Variants in FCAMR observed in about 807,000 individuals in gnomAD.
FCAMR encodes high affinity immunoglobulin alpha and immunoglobulin mu Fc receptor.
Under a neutral mutation model 52.2 loss-of-function variants are expected in FCAMR, and 51 were observed. That is an observed-to-expected ratio of 0.98 (90% confidence interval 0.78 to 1.23). The LOEUF (loss-of-function observed/expected upper bound fraction) is 1.23. FCAMR is among the 50% of genes most tolerant of loss of function. The pLI is 0.00. For synonymous variants in FCAMR, 282 were observed against 262.0 expected, an observed-to-expected ratio of 1.08 and a Z score of -0.74; for missense variants, 719 against 712.6, an observed-to-expected ratio of 1.01 and a Z score of -0.10.
Position 206,961,229 on chromosome 1 carries a change from T to G in FCAMR, c.653-6A>C. The G allele has an allele frequency of 1.3e-6, 2 of 1,533,680 alleles. No homozygotes were observed. The highest frequency in any genetic ancestry group is 4.9e-5 in the East Asian group (2 of 40,790). ...GGGGAGGGTGCTGGCGGGACCTGTG[T>G]GGACAGCAGAGGGAGGCCACATGGG... On this transcript the variant is annotated splice_region_variant and splice_polypyrimidine_tract_variant and intron_variant, in intron 5 of 7. Transcript: ENST00000324852.
Position 206,960,472 on chromosome 1 carries a change from G to C in FCAMR, c.1404C>G (p.Thr468=), listed in dbSNP as rs754419727. The part of the protein sequence containing the change: ...DRGPQATLSQ[T]PAVGPWGPPG... ...GGGGTCCCCAGGGTCCTACTGCCGGGGTCTGGCTCAGTGTTGCTTGGGGAC... is the reference window on the plus strand; with the variant it reads ...GGGGTCCCCAGGGTCCTACTGCCGGCGTCTGGCTCAGTGTTGCTTGGGGAC... Residue 468 remains threonine (T), a synonymous_variant, in exon 6 of 8, where the codon ACC becomes ACG. Transcript: ENST00000324852. 5.2e-6 allele frequency: 8 copies of C among 1,541,776 alleles called. No individual in the cohort carries two copies. The Admixed American group carries it at 1.2e-4, about 23-fold the overall frequency.
intron 1 of FCAMR, 30 bp downstream of exon 1, chr1:206,970,057 C>T (rs1558029455): frequency 1.9e-6 from 3 of 1,613,840 alleles, no homozygotes; most frequent in Non-Finnish European, 2.5e-6. Context: ...GAGGCAAGAT[C>T]CCAACCTCCA....
rs150528125 is a variant in FCAMR at position 206,967,677 on chromosome 1, T to C, written c.40-26A>G. ...CTGTTTGCAGAAGGGGAATTGGTTT[T>C]TTCAAGGGAAGATTTCTGTTTCACT... On this transcript the variant is annotated intron_variant, in intron 1 of 7. Transcript: ENST00000324852. The C allele has an allele frequency of 2.2e-3, 3,558 of 1,611,362 alleles. 134 individuals are homozygous for C. In the Admixed American group the frequency reaches 0.057, roughly 26 times the overall value.
chr1:206,961,222 A>G lies in FCAMR; in HGVS notation c.654T>C (p.Gly218=). Residue 218 remains glycine, a splice_region_variant and synonymous_variant, in exon 6 of 8, where the codon GGT becomes GGC. Transcript: ENST00000324852. The part of the protein sequence containing the change: ...FLSMNLTISA[G]PASTLPTATP... ...TGGCTGTGGGGAGGGTGCTGGCGGGACCTGTGTGGACAGCAGAGGGAGGCC... is the reference window on the plus strand; with the variant it reads ...TGGCTGTGGGGAGGGTGCTGGCGGGGCCTGTGTGGACAGCAGAGGGAGGCC... The G allele has an allele frequency of 6.5e-7, 1 of 1,537,496 alleles. No individual in the cohort carries two copies. The highest frequency in any genetic ancestry group is 8.8e-7 in the Non-Finnish European group (1 of 1,140,546).
In FCAMR at chr1:206,958,568, G is replaced by A; in HGVS notation, c.1682C>T (p.Ser561Phe). 5.0e-6 allele frequency: 8 copies of A among 1,613,628 alleles called. No homozygotes were observed. Among genetic ancestry groups the A allele is most frequent in the Non-Finnish European group, 6.8e-6 (8 of 1,179,978 alleles). The change falls in exon 8 of 8, where the codon TCT becomes TTT. Residue 561 changes from serine (S) to phenylalanine (F), a missense_variant. Physicochemically the swap from Ser to Phe is radical, Grantham distance 155. Transcript: ENST00000324852. ...HVERKMLQDD[S>F]LPAGASLTAP... is the part of the protein sequence containing the mutation. ...AGTCAGGCTGGCCCCAGCAGGAAGA[G>A]AGTCATCCTGGAGCATCTTTCTTTC...
Position 206,967,684 on chromosome 1 carries a change from G to A in FCAMR, c.40-33C>T, listed in dbSNP as rs771048760. 3.7e-6 allele frequency: 6 copies of A among 1,606,278 alleles called. 1 individual carries two copies. The highest frequency in any genetic ancestry group is 2.2e-5 in the East Asian group (1 of 44,836). On this transcript the variant is annotated intron_variant, in intron 1 of 7. Transcript: ENST00000324852. Reference sequence around the variant, plus strand: ...CAGAAGGGGAATTGGTTTTTTCAAGGGAAGATTTCTGTTTCACTGTTAGTA... The same window carrying A: ...CAGAAGGGGAATTGGTTTTTTCAAGAGAAGATTTCTGTTTCACTGTTAGTA...
chr1:206,962,522 C>G lies in FCAMR; in HGVS notation c.343G>C (p.Val115Leu). 1 of 1,592,596 alleles carries G rather than the reference C, an allele frequency of 6.3e-7. No individual in the cohort carries two copies. The highest frequency in any genetic ancestry group is 1.3e-5 in the African/African-American group (1 of 74,672). Residue 115 changes from valine (V) to leucine (L), a missense_variant, in exon 5 of 8, where the codon GTG (valine) becomes CTG (leucine). By Grantham distance (32) the Val-to-Leu change is conservative. Coordinates refer to ENST00000324852, the MANE Select transcript of FCAMR (RefSeq NM_001170631.2). ...APNSLKGSRL[V>L]SGEPGGAVTI... Reference sequence around the variant, plus strand: ...ACAGCTCCTCCAGGCTCCCCTGACACCAGCCTTGAGCCCTTCAATGAATTT... The same window carrying G: ...ACAGCTCCTCCAGGCTCCCCTGACAGCAGCCTTGAGCCCTTCAATGAATTT...
chr1:206,963,642 G>C (rs1002680396), intron 4 of FCAMR, among the ~76,000 whole-genome samples: 3 of 152,092 alleles, frequency 2.0e-5, no homozygotes, highest in Non-Finnish European at 4.4e-5. Flanking sequence ...GAGGAGGGGG[G>C]CATGGTTGGG....
In FCAMR at chr1:206,960,613, T is replaced by C. The variant is rs1558023370; in HGVS notation, c.1263A>G (p.Pro421=). 1 of 1,551,848 alleles carries C rather than the reference T, an allele frequency of 6.4e-7. No individual in the cohort carries two copies. The highest frequency in any genetic ancestry group is 8.7e-7 in the Non-Finnish European group (1 of 1,147,014). Residue 421 remains proline, a synonymous_variant, in exon 6 of 8, where the codon CCA becomes CCG. Transcript: ENST00000324852. ...PAAGMWTLGT[P]AADVWILGTP... Reference sequence around the variant, plus strand: ...TTCCCAAGATCCACACATCTGCAGCTGGAGTTCCCAAGGTCCACATGCCTG... The same window carrying C: ...TTCCCAAGATCCACACATCTGCAGCCGGAGTTCCCAAGGTCCACATGCCTG...
In FCAMR at chr1:206,959,676, C is replaced by T; in HGVS notation, c.1573+3G>A. 1 of 1,612,812 alleles carries T rather than the reference C, an allele frequency of 6.2e-7. No homozygotes were observed. The highest frequency in any genetic ancestry group is 1.3e-5 in the African/African-American group (1 of 74,980). On this transcript the variant is annotated splice_donor_region_variant and intron_variant, in intron 7 of 7. Coordinates refer to ENST00000324852, the MANE Select transcript of FCAMR (RefSeq NM_001170631.2). ...TATCTAGCCTTGGGGCTACTCAACT[C>T]ACAGGTCCTCCTTCTCCAGAGCTTC...
chr1:206,960,103 C>T lies in FCAMR; in HGVS notation c.1455-306G>A. 4 of 497,638 alleles carry T rather than the reference C, an allele frequency of 8.0e-6. No homozygotes were observed. In the South Asian group the frequency reaches 1.3e-4, roughly 17 times the overall value. 30.8% of individuals were successfully genotyped at this position (497,638 alleles called of 1,614,324 possible). A position where few individuals can be genotyped will look rare whatever the true frequency, so the allele number is the denominator to read the frequency against. ...CCTCAGCACTGGGCTCTGCCACAAC[C>T]TTTCCTTGTGGCTTCAGTGCATCAC... On this transcript the variant is annotated intron_variant, in intron 6 of 7. Coordinates refer to ENST00000324852, the MANE Select transcript of FCAMR (RefSeq NM_001170631.2).
At chr1:206,959,541 G>A (rs1680407846) in intron 7 of FCAMR, 138 bp downstream of exon 7, 3 of 630,372 alleles carry the variant, frequency 4.8e-6, no homozygotes, top group Non-Finnish European at 5.7e-6. Context: ...CCAAGGCCAA[G>A]AGTGGTTAAA....
In FCAMR at chr1:206,959,803, G is replaced by A. The variant is rs1225445257; in HGVS notation, c.1455-6C>T. The A allele has an allele frequency of 1.2e-6, 2 of 1,608,418 alleles. No homozygotes were observed. Among genetic ancestry groups the A allele is most frequent in the African/African-American group, 2.7e-5 (2 of 74,818 alleles). On this transcript the variant is annotated splice_polypyrimidine_tract_variant and splice_region_variant and intron_variant, in intron 6 of 7. Transcript: ENST00000324852. ...TTTCATCTTCTGGAAAAGTACTACA[G>A]TGGGGGTGGAAAGAGCACAGGGGAG...
intron 4 of FCAMR, among the ~76,000 whole-genome samples, chr1:206,962,793 C>G (rs1034952893): frequency 6.6e-6 from 1 of 152,148 alleles, no homozygotes; most frequent in Non-Finnish European, 1.5e-5. Flanking sequence ...AACACTTATC[C>G]TGAGCTATCC....
At position 206,969,546 on chromosome 1, in the gene FCAMR, G is replaced by A. The variant is rs568534249; in HGVS notation, c.39+541C>T. On this transcript the variant is annotated intron_variant, in intron 1 of 7. Coordinates refer to ENST00000324852, the MANE Select transcript of FCAMR (RefSeq NM_001170631.2). ...ACTCTCTTGTCCCTCTCATCCTGCT[G>A]GGAAGGGCATGCACCTCACCTCAGC... is the stretch of plus-strand genomic sequence containing the variant. 2.9e-4 allele frequency among the ~76,000 whole-genome samples: 44 copies of A among 152,280 alleles called. 2 individuals carry two copies. In the South Asian group the frequency reaches 9.1e-3, roughly 32 times the overall value.
rs1680412508 is a variant in FCAMR at position 206,959,680 on chromosome 1, G to T, written c.1572C>A (p.Thr524=). The T allele has an allele frequency of 6.2e-7, 1 of 1,612,892 alleles. No homozygotes were observed. Among genetic ancestry groups the T allele is most frequent in the African/African-American group, 1.3e-5 (1 of 74,838 alleles). The change falls in exon 7 of 8, where the codon ACC becomes ACA. Residue 524 remains threonine, a splice_region_variant and synonymous_variant. Coordinates refer to ENST00000324852, the MANE Select transcript of FCAMR (RefSeq NM_001170631.2). ...LLQRKLWRRR[T]SQEAERVTLI... is the part of the protein sequence containing the mutation. ...TAGCCTTGGGGCTACTCAACTCACA[G>T]GTCCTCCTTCTCCAGAGCTTCCTTT...
At chr1:206,966,480 G>A (rs1680713635) in intron 3 of FCAMR, among the ~76,000 whole-genome samples, 2 of 152,296 alleles carry the variant, frequency 1.3e-5, no homozygotes, top group South Asian at 4.1e-4. Flanking sequence ...CTGCCTCCAG[G>A]GTTCAAGCGA....
In FCAMR at chr1:206,962,420, T is replaced by C. The variant is rs377470491; in HGVS notation, c.445A>G (p.Arg149Gly). The C allele has an allele frequency of 5.5e-5, 88 of 1,614,032 alleles. No homozygotes were observed. Among genetic ancestry groups the C allele is most frequent in the East Asian group, 3.6e-4 (16 of 44,898 alleles). The change falls in exon 5 of 8, where the codon AGA becomes GGA. Residue 149 changes from arginine to glycine, a missense_variant. Physicochemically the swap from Arg to Gly is moderately radical, Grantham distance 125. Transcript: ENST00000324852. ...GACACAATGGTCTGGCAGATCCATC[T>C]TGGGGGCCCCAGACGGCACCAGTAC... ...RKYWCRLGPP[R>G]WICQTIVSTN... is the part of the protein sequence containing the mutation.
chr1:206,970,447 C>G lies in FCAMR; in HGVS notation c.-322G>C, dbSNP rs933029747. 2 of 262,454 alleles carry G rather than the reference C, an allele frequency of 7.6e-6. No individual in the cohort carries two copies. Among genetic ancestry groups the G allele is most frequent in the African/African-American group, 4.5e-5 (2 of 44,212 alleles). The allele number at this position is 262,454 out of a possible 1,614,324, so 16.3% of individuals were successfully genotyped here. A position where few individuals can be genotyped will look rare whatever the true frequency, so the allele number is the denominator to read the frequency against. ...AAAAAAGAAAACACTGATCCATATC[C>G]TTCCTCCTCTTGTGTCCCCTTCAGG... On this transcript the variant is annotated 5_prime_UTR_variant, in exon 1 of 8. Coordinates refer to ENST00000324852, the MANE Select transcript of FCAMR (RefSeq NM_001170631.2).
Sources: gnomAD v4.1 joint callset for allele counts (sites outside exome capture counted in the v4.1 genomes callset) on GRCh38, gnomAD v4.1.1 for gene constraint, MANE v1.5 for transcripts, NCBI Gene and HGNC (gene_info 2026-07-23, HGNC 2026-07-21) for gene names.